PDZD2: variants seen among roughly 807,000 people sequenced by gnomAD.
The protein encoded by PDZD2 is PDZ domain containing 2.
Under a neutral mutation model 220.7 loss-of-function variants are expected in PDZD2, and 90 were observed. The observed-to-expected ratio is 0.41, with a 90% confidence interval of 0.34 to 0.49. The LOEUF (loss-of-function observed/expected upper bound fraction) is 0.49, where lower values mean the gene tolerates loss of function less well. PDZD2 is among the 20% of genes least tolerant of loss of function. The pLI is 0.28. For synonymous variants in PDZD2, 1,375 were observed against 1,450.5 expected, an observed-to-expected ratio of 0.95 and a Z score of 1.18; for missense variants, 3,174 against 3,608.5, an observed-to-expected ratio of 0.88 and a Z score of 3.08.
intron 17 of PDZD2, among the ~76,000 whole-genome samples, chr5:32,073,478 G>C (rs952085362): frequency 6.6e-6 from 1 of 152,114 alleles, no homozygotes; most frequent in East Asian, 1.9e-4. Flanking sequence ...TTCTATGGAG[G>C]AATTCTCAGC....
intron 2 of PDZD2, among the ~76,000 whole-genome samples, chr5:31,850,206 AT>A: frequency 8.6e-6 from 1 of 116,376 alleles, no homozygotes; most frequent in Middle Eastern, 4.1e-3. Flanking sequence ...ATATATAAGT[AT>A]ATATGTGTAT....
chr5:31,730,692 A>G (rs1749489425), intron 1 of PDZD2, among the ~76,000 whole-genome samples: 1 of 151,838 alleles, frequency 6.6e-6, no homozygotes, highest in Admixed American at 6.6e-5. Context: ...GGGGATCAGT[A>G]TTTTCAGGAC....
chr5:31,810,176 G>T (rs567889584), intron 2 of PDZD2, among the ~76,000 whole-genome samples: 52 of 151,972 alleles, frequency 3.4e-4, no homozygotes, highest in African/African-American at 1.2e-3. Flanking sequence ...TTTTCTGTCC[G>T]GGTACTAAAT....
chr5:32,066,794 A>G (rs949623910), intron 14 of PDZD2, among the ~76,000 whole-genome samples: 2 of 152,238 alleles, frequency 1.3e-5, no homozygotes, highest in African/African-American at 2.4e-5. Context: ...TGCCAATACA[A>G]TCAAACATCC....
chr5:31,733,910 A>G (rs532498353), intron 1 of PDZD2, among the ~76,000 whole-genome samples: 106 of 152,302 alleles, frequency 7.0e-4, no homozygotes, highest in African/African-American at 2.3e-3. Flanking sequence ...ATTTAATTCA[A>G]TTCTGACACT....
intron 1 of PDZD2, among the ~76,000 whole-genome samples, chr5:31,787,413 T>C (rs941300363): frequency 1.3e-5 from 2 of 152,294 alleles, no homozygotes; most frequent in Admixed American, 1.3e-4. Flanking sequence ...AGCAAATATA[T>C]TTTAGAAGTA....
intron 2 of PDZD2, among the ~76,000 whole-genome samples, chr5:31,905,123 C>T (rs1742525473): frequency 6.6e-6 from 1 of 151,998 alleles, no homozygotes; most frequent in Admixed American, 6.6e-5. Flanking sequence ...CACTCACCAC[C>T]ACGCCCGGCT....
At chr5:31,824,223 G>T (rs1239397934) in intron 2 of PDZD2, among the ~76,000 whole-genome samples, 3 of 152,126 alleles carry the variant, frequency 2.0e-5, no homozygotes, top group Non-Finnish European at 4.4e-5. Flanking sequence ...ATTGTTGGCA[G>T]CTCCAGTCAA....
chr5:31,754,671 G>A (rs1203233080), intron 1 of PDZD2: 7 of 152,106 alleles, frequency 4.6e-5, no homozygotes, highest in Non-Finnish European at 8.8e-5. Flanking sequence ...AGTAAAAAAA[G>A]CTCTGGTTCA....
intron 2 of PDZD2, among the ~76,000 whole-genome samples, chr5:31,857,837 AT>A (rs1350000824): frequency 6.6e-6 from 1 of 151,374 alleles, no homozygotes; most frequent in Non-Finnish European, 1.5e-5. Context: ...ATTTTTATTT[AT>A]TTATTTTGGA....
intron 2 of PDZD2, among the ~76,000 whole-genome samples, chr5:31,972,192 C>G (rs1057502102): frequency 3.9e-5 from 6 of 152,212 alleles, no homozygotes; most frequent in African/African-American, 1.4e-4. Context: ...TGGTTCACTA[C>G]AGCCTCTGCC....
intron 6 of PDZD2, among the ~76,000 whole-genome samples, chr5:32,027,317 ATTCC>A (rs2112172315): frequency 6.6e-6 from 1 of 152,308 alleles, no homozygotes; most frequent in South Asian, 2.1e-4. Context: ...GACTGATTAC[ATTCC>A]TGTGCCCTTA....
In PDZD2 at chr5:32,087,400, A is replaced by G. The variant is rs769121828; in HGVS notation, c.3952A>G (p.Arg1318Gly). The change falls in exon 20 of 25, where the codon AGG becomes GGG. Residue 1318 changes from arginine (R) to glycine (G), a missense_variant. Arg to Gly is a moderately radical substitution (Grantham distance 125). This residue lies in a region of PDZD2 where 1,861 missense variants were observed against 2,001.0 expected (regional missense o/e 0.93). Transcript: ENST00000438447. This position sits in a 1 kb window ranked among gnomAD's most constrained non-coding sequence, Gnocchi z 4.0. ...GGAAACCAGCACACCCCACAATACC[A>G]GGAGGGTGGCTGCCCTCAGGGGAGC... ...ASETSTPHNT[R>G]RVAALRGAGP... is the part of the protein sequence containing the mutation. The G allele has an allele frequency of 3.1e-6, 5 of 1,614,014 alleles. No homozygotes were observed. The highest frequency in any genetic ancestry group is 2.2e-5 in the East Asian group (1 of 44,884).
chr5:32,006,213 A>G (rs1383204599), intron 5 of PDZD2, among the ~76,000 whole-genome samples: 1 of 152,022 alleles, frequency 6.6e-6, no homozygotes, highest in East Asian at 1.9e-4. Context: ...AACTGGATAA[A>G]TGTTTGCCTT....
At chr5:32,022,156 GTCT>G (rs776722379) in intron 6 of PDZD2, among the ~76,000 whole-genome samples, 10 of 149,156 alleles carry the variant, frequency 6.7e-5, no homozygotes, top group African/African-American at 1.5e-4. Context: ...TTCTGTACTT[GTCT>G]TCTTCTTTTT....
intron 6 of PDZD2, among the ~76,000 whole-genome samples, chr5:32,013,276 G>A (rs1011406104): frequency 6.8e-6 from 1 of 147,888 alleles, no homozygotes; most frequent in Non-Finnish European, 1.5e-5. Flanking sequence ...TTTTTTAAAT[G>A]TAATTTCGTA....
At chr5:31,978,668 T>C (rs1479294267) in intron 2 of PDZD2, among the ~76,000 whole-genome samples, 2 of 145,276 alleles carry the variant, frequency 1.4e-5, no homozygotes, top group Non-Finnish European at 3.0e-5. Flanking sequence ...TGAGCCAAGA[T>C]TGCACCGCTG....
At chr5:31,980,702 A>C (rs1314637176) in intron 2 of PDZD2, among the ~76,000 whole-genome samples, 2 of 152,242 alleles carry the variant, frequency 1.3e-5, no homozygotes, top group Non-Finnish European at 2.9e-5. Flanking sequence ...TTTACAATGC[A>C]AAGAAATGAA....
rs115340389 is a variant in PDZD2 at position 31,641,504 on chromosome 5, C to T, written c.-361+2067C>T. Among the ~76,000 whole-genome samples the T allele has an allele frequency of 6.4e-3, 973 of 151,872 alleles. 7 individuals carry two copies. The highest frequency in any genetic ancestry group is 0.022 in the African/African-American group (924 of 41,332). The stretch of plus-strand genomic sequence containing the variant: ...TAAGGACTCAGAGGAACTAAGGACT[C>T]AGAGGAACTTAGTTCTCCAGATAGT... On this transcript the variant is annotated intron_variant, in intron 1 of 24. Coordinates refer to ENST00000438447, the MANE Select transcript of PDZD2 (RefSeq NM_178140.4).
Sources: allele counts gnomAD v4.1 joint callset (sites outside exome capture counted in the v4.1 genomes callset), GRCh38; gene constraint gnomAD v4.1.1; regional missense constraint gnomAD v4.1.1; non-coding constraint Gnocchi (gnomAD v3.1); transcripts MANE v1.5; gene names NCBI Gene and HGNC (gene_info 2026-07-23, HGNC 2026-07-21).